CELF2: variants seen among roughly 807,000 people sequenced by gnomAD.
The protein encoded by CELF2 is CUGBP Elav-like family member 2.
In CELF2, 8 loss-of-function variants were observed where a neutral mutation model predicts 62.6. The observed-to-expected ratio is 0.13, with a 90% confidence interval of 0.07 to 0.23. The LOEUF (loss-of-function observed/expected upper bound fraction) is 0.23. CELF2 is among the 10% of genes least tolerant of loss of function. CELF2 has a pLI of 1.00. For synonymous variants in CELF2, 258 were observed against 250.0 expected, an observed-to-expected ratio of 1.03 and a Z score of -0.30; for missense variants, 333 against 671.0, an observed-to-expected ratio of 0.50 and a Z score of 5.56.
In CELF2 at chr10:11,008,280, A is replaced by G. The variant is rs1488733523; in HGVS notation, c.53+2840A>G. ...AAAATGACTTCTTTCCACAGAAAGT[A>G]AATATTGCACCCTAAGCCCTTCTGC... On this transcript the variant is annotated intron_variant, in intron 1 of 12. Coordinates refer to the CELF2 transcript ENST00000416382. This position sits in a 1 kb window ranked among gnomAD's most constrained non-coding sequence, Gnocchi z 4.5. Among the ~76,000 whole-genome samples, 3 of 152,242 alleles carry G rather than the reference A, an allele frequency of 2.0e-5. No homozygotes were observed. Among genetic ancestry groups the G allele is most frequent in the African/African-American group, 7.2e-5 (3 of 41,450 alleles).
At chr10:10,587,626 G>A in the CELF2 span, among the ~76,000 whole-genome samples, 3 of 152,150 alleles carry the variant, frequency 2.0e-5, no homozygotes, top group South Asian at 4.1e-4. Context: ...TTGTTTGTAA[G>A]TAAATTGTAG....
At position 11,214,614 on chromosome 10, in the gene CELF2, G is replaced by A. The variant is rs575180742; in HGVS notation, c.272-2811G>A. ...TCCAGGCTTCCCTGCCAAACGCGGC[G>A]CCTGTGGAGCTGTGCTGGGGCTCAG... On this transcript the variant is annotated intron_variant, in intron 2 of 12. Transcript: ENST00000633077. This position sits in a 1 kb window ranked among gnomAD's most constrained non-coding sequence, Gnocchi z 4.2. Among the ~76,000 whole-genome samples, 29 of 152,180 alleles carry A rather than the reference G, an allele frequency of 1.9e-4. No homozygotes were observed. The highest frequency in any genetic ancestry group is 5.9e-4 in the Admixed American group (9 of 15,278).
At chr10:10,974,496 C>G (rs1187096339) in intron 2 of CELF2, among the ~76,000 whole-genome samples, 1 of 152,264 alleles carries the variant, frequency 6.6e-6, no homozygotes, top group East Asian at 1.9e-4. Context: ...TCATTTGAGT[C>G]TCTTACATAA....
intron 10 of CELF2, chr10:11,317,036 T>TA (rs766480652): frequency 1.3e-5 from 2 of 152,244 alleles, no homozygotes; most frequent in Admixed American, 6.5e-5. Flanking sequence ...TTGAAGAACA[T>TA]ACTTTTTCCA....
chr10:10,988,116 T>C (rs1009720979), intron 2 of CELF2, among the ~76,000 whole-genome samples: 12 of 152,008 alleles, frequency 7.9e-5, no homozygotes, highest in Non-Finnish European at 1.5e-4. Context: ...AAGGAAGTCA[T>C]CATATGAAAA....
At chr10:11,298,291 T>G (rs772383048) in intron 9 of CELF2, among the ~76,000 whole-genome samples, 12 of 152,200 alleles carry the variant, frequency 7.9e-5, no homozygotes, top group Non-Finnish European at 1.6e-4. Context: ...CCTGGCCTTG[T>G]GGTGCCATCT....
chr10:11,105,208 TC>T (rs2053075677), intron 1 of CELF2, among the ~76,000 whole-genome samples: 1 of 152,192 alleles, frequency 6.6e-6, no homozygotes, highest in African/African-American at 2.4e-5. Flanking sequence ...CCACCTGCAG[TC>T]CTAATTGAAA....
chr10:10,728,742 A>G, the CELF2 span, among the ~76,000 whole-genome samples: 1 of 152,234 alleles, frequency 6.6e-6, no homozygotes. Flanking sequence ...TAATGTATGC[A>G]CATTGTAAAC....
intron 2 of CELF2, among the ~76,000 whole-genome samples, chr10:10,974,030 C>G (rs142370716): frequency 2.2e-4 from 34 of 152,292 alleles, no homozygotes; most frequent in African/African-American, 8.2e-4. Context: ...GGAACATGGA[C>G]TTTGGGGTCA....
rs887499193 is a variant in CELF2, at chr10:11,039,693, T to C, written c.74+21530T>C. On this transcript the variant is annotated intron_variant, in intron 1 of 12. Transcript: ENST00000633077. This position sits in a 1 kb window ranked among gnomAD's most constrained non-coding sequence, Gnocchi z 4.1. Reference sequence around the variant, plus strand: ...TAAGTGTACTTCATAATTTTGATCATTGAACCAGGAACATTATGTACCAGT... The same window carrying C: ...TAAGTGTACTTCATAATTTTGATCACTGAACCAGGAACATTATGTACCAGT... Among the ~76,000 whole-genome samples the C allele has an allele frequency of 1.3e-5, 2 of 152,230 alleles. No homozygotes were observed. The highest frequency in any genetic ancestry group is 3.8e-4 in the East Asian group (2 of 5,196).
chr10:10,509,424 CAG>C, the CELF2 span, among the ~76,000 whole-genome samples: 2 of 152,152 alleles, frequency 1.3e-5, no homozygotes, highest in African/African-American at 4.8e-5. Flanking sequence ...CCCCAATTCC[CAG>C]ACAGTCCATT....
At chr10:11,170,640 C>T (rs749618138) in intron 2 of CELF2, among the ~76,000 whole-genome samples, 4 of 151,612 alleles carry the variant, frequency 2.6e-5, no homozygotes, top group South Asian at 2.1e-4. Context: ...GTAAGGAAGC[C>T]GGCAATGCTG....
intron 1 of CELF2, among the ~76,000 whole-genome samples, chr10:10,896,910 A>G (rs1205164130): frequency 6.6e-6 from 1 of 152,166 alleles, no homozygotes; most frequent in Non-Finnish European, 1.5e-5. Context: ...TAAGACTGGG[A>G]CCATCTGTAA....
chr10:11,061,050 AATT>A, intron 1 of CELF2, among the ~76,000 whole-genome samples: 1 of 152,350 alleles, frequency 6.6e-6, no homozygotes, highest in Non-Finnish European at 1.5e-5. Flanking sequence ...AAAAGCTTGA[AATT>A]ATTAATTAAA....
the CELF2 span, among the ~76,000 whole-genome samples, chr10:10,578,956 A>G: frequency 6.6e-6 from 1 of 152,198 alleles, no homozygotes; most frequent in Non-Finnish European, 1.5e-5. Context: ...CTTCAACTAC[A>G]TCATAATCTC....
the CELF2 span, among the ~76,000 whole-genome samples, chr10:10,785,334 G>C: frequency 6.6e-6 from 1 of 152,112 alleles, no homozygotes; most frequent in African/African-American, 2.4e-5. Context: ...TCCCAGCCCA[G>C]ACAGAATTAT....
intron 2 of CELF2, chr10:10,970,963 A>G (rs369118192): frequency 1.8e-4 from 27 of 152,238 alleles, no homozygotes; most frequent in South Asian, 4.2e-4. Flanking sequence ...TAGACATCCT[A>G]TCCCATGGAA....
chr10:11,258,783 T>G (rs1261552500), intron 5 of CELF2, among the ~76,000 whole-genome samples: 3 of 152,092 alleles, frequency 2.0e-5, no homozygotes, highest in Admixed American at 6.5e-5. Context: ...ACCTCCCAGG[T>G]TCAAGCAATT....
At chr10:11,293,494 G>A (rs1395418788) in intron 9 of CELF2, among the ~76,000 whole-genome samples, 1 of 152,148 alleles carries the variant, frequency 6.6e-6, no homozygotes, top group Non-Finnish European at 1.5e-5. Flanking sequence ...TCTAGACCTG[G>A]GGCAGTGCAG....
Sources: allele counts gnomAD v4.1 joint callset (sites outside exome capture counted in the v4.1 genomes callset), GRCh38; gene constraint gnomAD v4.1.1; non-coding constraint Gnocchi (gnomAD v3.1); transcripts MANE v1.5; gene names NCBI Gene and HGNC (gene_info 2026-07-23, HGNC 2026-07-21).